The following TMEM117 variants were observed in gnomAD, a reference collection of about 807,000 sequenced individuals.
The protein encoded by TMEM117 is transmembrane protein 117.
TMEM117 carries 27 observed loss-of-function variants against 52.4 expected under a neutral mutation model. That is an observed-to-expected ratio of 0.51 (90% confidence interval 0.38 to 0.71). The LOEUF (loss-of-function observed/expected upper bound fraction) is 0.71, where lower values mean the gene tolerates loss of function less well. Among genes scored for constraint, TMEM117 ranks in the 30% least tolerant of loss-of-function variants. The pLI, the probability that TMEM117 is intolerant of heterozygous loss-of-function variation, is 0.00. For missense variants in TMEM117, 556 were observed against 630.5 expected, an observed-to-expected ratio of 0.88 and a Z score of 1.26; for synonymous variants, 215 against 206.3, an observed-to-expected ratio of 1.04 and a Z score of -0.36.
At chr12:43,797,415 T>G in the TMEM117 span, 2 of 1,598,026 alleles carry the variant, frequency 1.3e-6, no homozygotes, top group South Asian at 1.1e-5. Flanking sequence ...ATTTGTTGTG[T>G]TGGCCAAAAT....
chr12:44,164,006 A>G (rs73099011), intron 4 of TMEM117, among the ~76,000 whole-genome samples: 15,893 of 151,958 alleles, frequency 0.1, 938 homozygotes, highest in Middle Eastern at 0.2. Flanking sequence ...AATGGATTGG[A>G]TCCAAGTGGA....
intron 3 of TMEM117, among the ~76,000 whole-genome samples, chr12:44,062,828 AG>A (rs1465540533): frequency 6.6e-6 from 1 of 152,254 alleles, no homozygotes; most frequent in African/African-American, 2.4e-5. Flanking sequence ...ATAAGTGCTA[AG>A]ACAAGAAACT....
At chr12:44,350,481 C>T (rs561548013) in intron 6 of TMEM117, among the ~76,000 whole-genome samples, 2 of 151,912 alleles carry the variant, frequency 1.3e-5, no homozygotes, top group Admixed American at 6.6e-5. Flanking sequence ...CAAACTAGTT[C>T]TTATTCATTG....
At chr12:44,267,719 T>C (rs1308772779) in intron 5 of TMEM117, among the ~76,000 whole-genome samples, 1 of 152,186 alleles carries the variant, frequency 6.6e-6, no homozygotes, top group Non-Finnish European at 1.5e-5. Flanking sequence ...CCTCTATGAG[T>C]TTGACAATTT....
At chr12:44,188,191 C>T (rs1949303366) in intron 4 of TMEM117, among the ~76,000 whole-genome samples, 1 of 152,040 alleles carries the variant, frequency 6.6e-6, no homozygotes. Flanking sequence ...ATTTGGGGTT[C>T]TCTTTTAGGC....
At chr12:44,005,219 A>G (rs376058474) in intron 3 of TMEM117, among the ~76,000 whole-genome samples, 1 of 152,248 alleles carries the variant, frequency 6.6e-6, no homozygotes, top group East Asian at 1.9e-4. Flanking sequence ...CTCTGTTGCA[A>G]ATAAGTGAAC....
intron 3 of TMEM117, among the ~76,000 whole-genome samples, chr12:43,953,052 A>G (rs1945250495): frequency 6.6e-6 from 1 of 152,158 alleles, no homozygotes; most frequent in Non-Finnish European, 1.5e-5. Context: ...CTGAGCTTCA[A>G]AAGCAAAGGA....
At chr12:43,874,984 C>G (rs61930691) in intron 2 of TMEM117, among the ~76,000 whole-genome samples, 9,238 of 152,188 alleles carry the variant, frequency 0.061, 343 homozygotes, top group Middle Eastern at 0.13. Flanking sequence ...TAACATTTGA[C>G]ATTTGATAAG....
At position 44,273,018 on chromosome 12, in the gene TMEM117, A is replaced by G. The variant is rs11182452; in HGVS notation, c.609-26562A>G. On this transcript the variant is annotated intron_variant, in intron 5 of 7. Coordinates refer to ENST00000266534, the MANE Select transcript of TMEM117 (RefSeq NM_032256.3). Reference sequence around the variant, plus strand: ...TGGATTAAGAAAATGTGGCACATATACACCATGGAATACTATGCAGCCATA... The same window carrying G: ...TGGATTAAGAAAATGTGGCACATATGCACCATGGAATACTATGCAGCCATA... Among the ~76,000 whole-genome samples, 1,409 of 152,342 alleles carry G rather than the reference A, an allele frequency of 9.2e-3. 25 individuals are homozygous for G. Among genetic ancestry groups the G allele is most frequent in the African/African-American group, 0.031 (1,309 of 41,576 alleles).
intron 5 of TMEM117, among the ~76,000 whole-genome samples, chr12:44,275,913 A>T (rs1462662834): frequency 6.6e-6 from 1 of 152,276 alleles, no homozygotes; most frequent in South Asian, 2.1e-4. Flanking sequence ...ATAGTCAACA[A>T]TAAGTGTATA....
intron 6 of TMEM117, among the ~76,000 whole-genome samples, chr12:44,315,353 T>C (rs965510826): frequency 6.6e-6 from 1 of 152,202 alleles, no homozygotes; most frequent in Non-Finnish European, 1.5e-5. Flanking sequence ...AACTGTAAAT[T>C]TGAGATCTTC....
At chr12:44,225,641 A>C (rs1302528284) in intron 5 of TMEM117, among the ~76,000 whole-genome samples, 2 of 121,738 alleles carry the variant, frequency 1.6e-5, no homozygotes, top group Non-Finnish European at 3.5e-5. Context: ...CAGTGACTTT[A>C]CCACAGTATA....
intron 2 of TMEM117, among the ~76,000 whole-genome samples, chr12:43,850,525 A>C (rs898933768): frequency 6.6e-6 from 1 of 152,034 alleles, no homozygotes; most frequent in Admixed American, 6.6e-5. Context: ...TCCCATGCCC[A>C]TTATGCTCCT....
rs1251677582 is a variant in TMEM117 at position 44,299,870 on chromosome 12, T to A, written c.768+131T>A. The A allele has an allele frequency of 5.1e-6, 6 of 1,173,410 alleles. No homozygotes were observed. The African/African-American group carries it at 9.2e-5, about 18-fold the overall frequency. The allele number at this position is 1,173,410 out of a possible 1,614,324, so 72.7% of individuals were successfully genotyped here. On this transcript the variant is annotated intron_variant, in intron 6 of 7. Coordinates refer to ENST00000266534, the MANE Select transcript of TMEM117 (RefSeq NM_032256.3). ...TACAGTTACTTTTGATGGGGCCTTC[T>A]CTGTTTATATTTTCAGCTATTATAC...
chr12:44,084,116 A>G (rs1031403156), intron 3 of TMEM117, among the ~76,000 whole-genome samples: 2 of 152,194 alleles, frequency 1.3e-5, no homozygotes, highest in African/African-American at 2.4e-5. Flanking sequence ...TAAATCATAT[A>G]TATAGATAGG....
chr12:43,973,241 T>G (rs1271894726), intron 3 of TMEM117, among the ~76,000 whole-genome samples: 3 of 152,160 alleles, frequency 2.0e-5, no homozygotes, highest in African/African-American at 7.2e-5. Context: ...TACCAGAATT[T>G]ATCTTAAGGC....
chr12:44,029,158 CT>C (rs1428622977), intron 3 of TMEM117, among the ~76,000 whole-genome samples: 2 of 152,154 alleles, frequency 1.3e-5, no homozygotes, highest in African/African-American at 4.8e-5. Context: ...GGCAAGGATG[CT>C]TGACTGACCT....
At chr12:43,821,090 C>A in the TMEM117 span, among the ~76,000 whole-genome samples, 5 of 147,602 alleles carry the variant, frequency 3.4e-5, no homozygotes, top group Non-Finnish European at 6.0e-5. Context: ...GCAAGACTCC[C>A]TCTCACATTA....
intron 6 of TMEM117, among the ~76,000 whole-genome samples, chr12:44,314,476 T>C (rs535024685): frequency 1.9e-4 from 29 of 152,146 alleles, no homozygotes; most frequent in Non-Finnish European, 3.8e-4. Context: ...CTTTTTGATA[T>C]GCTGCTGGAT....
Sources: gnomAD v4.1 joint callset for allele counts (sites outside exome capture counted in the v4.1 genomes callset) on GRCh38, gnomAD v4.1.1 for gene constraint, MANE v1.5 for transcripts, NCBI Gene and HGNC (gene_info 2026-07-23, HGNC 2026-07-21) for gene names.